Variants in PCDHGA4 observed in about 807,000 individuals in gnomAD.
PCDHGA4 encodes protocadherin gamma subfamily A, 4.
In PCDHGA4, 38 loss-of-function variants were observed where a neutral mutation model predicts 54.6. The ratio of observed to expected loss-of-function variants is 0.70; its 90% CI spans 0.54 to 0.91. PCDHGA4 has a LOEUF of 0.91. Ranked by LOEUF, PCDHGA4 falls within the 40% of genes least tolerant of loss-of-function variation. PCDHGA4 has a pLI of 0.00. For missense variants in PCDHGA4, 1,298 were observed against 1,220.9 expected (o/e 1.06, Z -0.94); for synonymous variants, 511 against 512.9 (o/e 1.00, Z 0.05).
Position 141,421,812 on chromosome 5 carries a change from A to G in PCDHGA4, c.2514+64191A>G, listed in dbSNP as rs779804436. On this transcript the variant is annotated intron_variant, in intron 1 of 3. Transcript: ENST00000571252. ...CGGATGGGGCCAAGAATCCAGAGCTAGTACTGGAGGGAAGCCTGGACCGAG... is the reference window on the plus strand; with the variant it reads ...CGGATGGGGCCAAGAATCCAGAGCTGGTACTGGAGGGAAGCCTGGACCGAG... 9.9e-6 allele frequency: 16 copies of G among 1,613,704 alleles called. 1 individual carries two copies. In the South Asian group the frequency reaches 1.5e-4, roughly 16 times the overall value.
chr5:141,511,182 C>A lies in PCDHGA4; in HGVS notation c.*9C>A. ...AGAAGGAGAAGAAGTAACATGGAGG[C>A]CAGGCCAAGAGCCACAGGGCGGCCT... is the stretch of plus-strand genomic sequence containing the variant. On this transcript the variant is annotated 3_prime_UTR_variant, in exon 4 of 4. Transcript: ENST00000571252. 6.2e-7 allele frequency: 1 copy of A among 1,614,022 alleles called. No homozygotes were observed. Among genetic ancestry groups the A allele is most frequent in the Non-Finnish European group, 8.5e-7 (1 of 1,179,946 alleles).
At position 141,362,450 on chromosome 5, in the gene PCDHGA4, CG is replaced by C. The variant is rs749881682; in HGVS notation, c.2514+4831del. 9 of 1,614,050 alleles carry C rather than the reference CG, an allele frequency of 5.6e-6. No homozygotes were observed. The African/African-American group carries it at 1.2e-4, about 22-fold the overall frequency. ...GAGTTCAATTTTCTGAACATAACCC[CG>C]GAATTGGTTCCCGCGCAAGATCTCG... On this transcript the variant is annotated intron_variant, in intron 1 of 3. Coordinates refer to ENST00000571252, the MANE Select transcript of PCDHGA4 (RefSeq NM_018917.4).
At chr5:141,400,511 C>T (rs1456963604) in intron 1 of PCDHGA4, 2 of 1,613,824 alleles carry the variant, frequency 1.2e-6, no homozygotes, top group Admixed American at 3.3e-5. Flanking sequence ...GAGTCGACTT[C>T]CCATCCTGAG....
Position 141,494,855 on chromosome 5 carries a change from G to A in PCDHGA4, c.2563G>A (p.Gly855Ser), listed in dbSNP as rs200418116. The A allele has an allele frequency of 4.8e-4, 774 of 1,614,092 alleles. 7 individuals carry two copies. The South Asian group carries it at 5.1e-3, about 11-fold the overall frequency. ...GCGTTTCTCTCAGGCCCAGAGACCC[G>A]GCACCAGCGGGTAGGTGACTGATTC... is the stretch of plus-strand genomic sequence containing the variant. ...DWRFSQAQRP[G>S]TSGSQNGDDT... Residue 855 changes from glycine (G) to serine (S), a missense_variant, in exon 2 of 4, where the codon GGC becomes AGC. Coordinates refer to ENST00000571252, the MANE Select transcript of PCDHGA4 (RefSeq NM_018917.4).
chr5:141,403,626 C>T, intron 1 of PCDHGA4: 1 of 1,613,910 alleles, frequency 6.2e-7, no homozygotes, highest in Non-Finnish European at 8.5e-7. Context: ...CGCTCCAGCA[C>T]AGTGCGCATC....
rs962794399 is a variant in PCDHGA4, at chr5:141,449,958, AT to A, written c.2515-44841del. Among the ~76,000 whole-genome samples, 332 of 148,828 alleles carry A rather than the reference AT, an allele frequency of 2.2e-3. 1 individual carries two copies. The highest frequency in any genetic ancestry group is 6.8e-3 in the Admixed American group (101 of 14,904). Reference sequence around the variant, plus strand: ...GTATATTTTACTATACCTCATAGTAATTTTTTTTAGTCCAAAATATCACACA... The same window carrying A: ...GTATATTTTACTATACCTCATAGTAATTTTTTTAGTCCAAAATATCACACA... On this transcript the variant is annotated intron_variant, in intron 1 of 3. Coordinates refer to ENST00000571252, the MANE Select transcript of PCDHGA4 (RefSeq NM_018917.4).
At chr5:141,399,075 A>C (rs759361503) in intron 1 of PCDHGA4, 1 of 1,613,868 alleles carries the variant, frequency 6.2e-7, no homozygotes, top group Non-Finnish European at 8.5e-7. Flanking sequence ...TGGTTGTAGA[A>C]GGGAGGGATG....
chr5:141,421,265 T>G (rs2154549151), intron 1 of PCDHGA4: 1 of 1,596,914 alleles, frequency 6.3e-7, no homozygotes, highest in Non-Finnish European at 8.5e-7. Flanking sequence ...CGCAGTCGGC[T>G]GCTGCTGCTG....
chr5:141,395,370 G>C, intron 1 of PCDHGA4: 1 of 1,207,198 alleles, frequency 8.3e-7, no homozygotes, highest in Non-Finnish European at 1.1e-6. Context: ...GTTTATTTTG[G>C]TGGTGTTACT....
intron 1 of PCDHGA4, chr5:141,419,468 C>T: frequency 6.2e-7 from 1 of 1,612,484 alleles, no homozygotes; most frequent in Non-Finnish European, 8.5e-7. Flanking sequence ...GGCCCGCGAC[C>T]AGGGCTCGCC....
At chr5:141,502,866 C>CTTTTTTTTTTTTTTTT (rs549047197) in intron 2 of PCDHGA4, among the ~76,000 whole-genome samples, 4 of 128,044 alleles carry the variant, frequency 3.1e-5, no homozygotes, top group African/African-American at 3.1e-5. Context: ...GACTCTCTGT[C>CTTTTTTTTTTTTTTTT]TTTTTTTTTT....
Position 141,417,842 on chromosome 5 carries a change from C to A in PCDHGA4, c.2514+60221C>A, listed in dbSNP as rs1247720013. 3 of 1,537,164 alleles carry A rather than the reference C, an allele frequency of 2.0e-6. No homozygotes were observed. The South Asian group carries it at 3.6e-5, about 19-fold the overall frequency. Reference sequence around the variant, plus strand: ...TCCAACTGGAAAAGCGGGGACCCAGCGAGAACCCGAGCGAACGATGGGAGG... The same window carrying A: ...TCCAACTGGAAAAGCGGGGACCCAGAGAGAACCCGAGCGAACGATGGGAGG... On this transcript the variant is annotated intron_variant, in intron 1 of 3. Transcript: ENST00000571252.
chr5:141,415,849 C>A (rs1453652151), intron 1 of PCDHGA4: 2 of 1,230,672 alleles, frequency 1.6e-6, no homozygotes, highest in Non-Finnish European at 2.1e-6. Flanking sequence ...CTTTGCAGAA[C>A]CTTGTAGTTT....
chr5:141,393,571 A>G, intron 1 of PCDHGA4: 4 of 1,613,974 alleles, frequency 2.5e-6, no homozygotes, highest in Non-Finnish European at 3.4e-6. Flanking sequence ...AAAGTCCTTG[A>G]GAACATGCCC....
intron 1 of PCDHGA4, among the ~76,000 whole-genome samples, chr5:141,369,219 G>C (rs906791517): frequency 6.6e-6 from 1 of 152,126 alleles, no homozygotes; most frequent in African/African-American, 2.4e-5. Context: ...CCAAGGAAAA[G>C]TGGACAGGAA....
At chr5:141,400,860 A>G (rs77207205) in intron 1 of PCDHGA4, among the ~76,000 whole-genome samples, 6,447 of 152,342 alleles carry the variant, frequency 0.042, 220 homozygotes, top group African/African-American at 0.092. Flanking sequence ...TATTGTATGT[A>G]GATAAACCAT....
chr5:141,509,684 C>G (rs572295300), intron 3 of PCDHGA4, among the ~76,000 whole-genome samples: 139 of 152,310 alleles, frequency 9.1e-4, no homozygotes, highest in Admixed American at 3.7e-3. Flanking sequence ...TTCTTCTGTA[C>G]AGTGGGACGT....
chr5:141,357,979 C>T (rs554928624), intron 1 of PCDHGA4, among the ~76,000 whole-genome samples: 3 of 152,118 alleles, frequency 2.0e-5, no homozygotes, highest in Admixed American at 6.5e-5. Flanking sequence ...TGCCTGAGCT[C>T]AGGAGTTCGA....
intron 1 of PCDHGA4, chr5:141,374,502 T>C (rs1588742531): frequency 6.2e-7 from 1 of 1,611,402 alleles, no homozygotes; most frequent in East Asian, 2.2e-5. Flanking sequence ...GAATTGGAAG[T>C]GAAAATTCTC....
Sources: allele counts gnomAD v4.1 joint callset (sites outside exome capture counted in the v4.1 genomes callset), GRCh38; gene constraint gnomAD v4.1.1; transcripts MANE v1.5; gene names NCBI Gene and HGNC (gene_info 2026-07-23, HGNC 2026-07-21).